Variants in NXPH2 observed in about 807,000 individuals in gnomAD.
NXPH2 encodes the protein neurexophilin-2.
Under a neutral mutation model 19.8 loss-of-function variants are expected in NXPH2, and 5 were observed. The observed-to-expected ratio is 0.25, with a 90% CI of 0.13 to 0.53. The LOEUF is 0.53. Ranked by LOEUF, NXPH2 falls within the 20% of genes least tolerant of loss-of-function variation. The pLI is 0.96. For synonymous variants in NXPH2, 154 were observed against 127.4 expected, an observed-to-expected ratio of 1.21 and a Z score of -1.41; for missense variants, 289 against 322.8, an observed-to-expected ratio of 0.90 and a Z score of 0.80.
chr2:138,683,426 C>A (rs1680605899), intron 1 of NXPH2, among the ~76,000 whole-genome samples: 1 of 152,042 alleles, frequency 6.6e-6, no homozygotes, highest in South Asian at 2.1e-4. Context: ...AATAGTAATG[C>A]CAGATTATTC....
chr2:138,682,584 A>G (rs1461100694), intron 1 of NXPH2, among the ~76,000 whole-genome samples: 1 of 152,220 alleles, frequency 6.6e-6, no homozygotes, highest in African/African-American at 2.4e-5. Flanking sequence ...AGGAGAAGAA[A>G]GCTAAACAGT....
In NXPH2 at chr2:138,710,861, A is replaced by G. The variant is rs1424974143; in HGVS notation, c.52-39196T>C. On this transcript the variant is annotated intron_variant, in intron 1 of 1. Coordinates refer to ENST00000272641, the MANE Select transcript of NXPH2 (RefSeq NM_007226.3). ...ATAACTCATCTAAACCACCCATGCC[A>G]AACACTTTACCCAAGCTGGCTTCCC... Among the ~76,000 whole-genome samples the G allele has an allele frequency of 2.0e-5, 3 of 151,998 alleles. No homozygotes were observed. The East Asian group carries it at 5.8e-4, about 29-fold the overall frequency.
intron 1 of NXPH2, among the ~76,000 whole-genome samples, chr2:138,712,794 A>T (rs1681124137): frequency 6.6e-6 from 1 of 152,178 alleles, no homozygotes; most frequent in African/African-American, 2.4e-5. Flanking sequence ...TCATGTGTGA[A>T]TGGAAAACTC....
chr2:138,745,636 G>A (rs1180647894), intron 1 of NXPH2, among the ~76,000 whole-genome samples: 1 of 151,988 alleles, frequency 6.6e-6, no homozygotes, highest in Non-Finnish European at 1.5e-5. Flanking sequence ...AACAAATTGT[G>A]GCATAGTTAT....
chr2:138,675,482 C>A (rs1680472709), intron 1 of NXPH2, among the ~76,000 whole-genome samples: 1 of 152,006 alleles, frequency 6.6e-6, no homozygotes, highest in Non-Finnish European at 1.5e-5. Flanking sequence ...CTAGTACTTC[C>A]ATTGTGATGG....
chr2:138,671,821 A>G (rs17597375), intron 1 of NXPH2, among the ~76,000 whole-genome samples, 156 bp from the exon 2 acceptor site: 3,193 of 152,328 alleles, frequency 0.021, 52 homozygotes, highest in Non-Finnish European at 0.033. Flanking sequence ...GTGTAACAAG[A>G]TAAGCATTTA....
intron 1 of NXPH2, among the ~76,000 whole-genome samples, chr2:138,684,636 G>C (rs572370072): frequency 6.6e-6 from 1 of 152,222 alleles, no homozygotes; most frequent in East Asian, 1.9e-4. Context: ...ATTTTATCTA[G>C]ACCTCCCTAA....
intron 1 of NXPH2, among the ~76,000 whole-genome samples, chr2:138,770,057 T>C (rs1199754790): frequency 1.3e-5 from 2 of 152,098 alleles, no homozygotes; most frequent in Non-Finnish European, 2.9e-5. Flanking sequence ...TAAGGGTTGG[T>C]TGAGGAAAAA....
At chr2:138,734,336 T>C (rs1681501915) in intron 1 of NXPH2, among the ~76,000 whole-genome samples, 1 of 152,196 alleles carries the variant, frequency 6.6e-6, no homozygotes, top group South Asian at 2.1e-4. Flanking sequence ...ATTGGAGATA[T>C]TCAATTCAAT....
At chr2:138,719,597 A>G (rs1173653868) in intron 1 of NXPH2, among the ~76,000 whole-genome samples, 1 of 152,188 alleles carries the variant, frequency 6.6e-6, no homozygotes, top group Non-Finnish European at 1.5e-5. Flanking sequence ...GCAGGGAGCT[A>G]TGGCTCATGC....
intron 1 of NXPH2, among the ~76,000 whole-genome samples, chr2:138,749,600 C>T (rs1256171592): frequency 6.6e-6 from 1 of 152,022 alleles, no homozygotes; most frequent in Non-Finnish European, 1.5e-5. Flanking sequence ...CTTTCATCTG[C>T]CTCTTTATCC....
intron 1 of NXPH2, among the ~76,000 whole-genome samples, chr2:138,675,972 TGTG>T: frequency 6.6e-6 from 1 of 152,124 alleles, no homozygotes; most frequent in East Asian, 1.9e-4. Flanking sequence ...TGTGTGTGTG[TGTG>T]TGTGTGTGTA....
At chr2:138,743,812 G>C (rs1681681340) in intron 1 of NXPH2, among the ~76,000 whole-genome samples, 1 of 151,952 alleles carries the variant, frequency 6.6e-6, no homozygotes, top group Admixed American at 6.6e-5. Context: ...AGACTAGCCT[G>C]GCCAAGATGA....
intron 1 of NXPH2, among the ~76,000 whole-genome samples, chr2:138,774,782 G>C (rs1029634658): frequency 1.3e-5 from 2 of 152,108 alleles, no homozygotes; most frequent in African/African-American, 4.8e-5. Context: ...AACAGATAAT[G>C]AACAAATATT....
At chr2:138,696,861 A>G (rs902658652) in intron 1 of NXPH2, among the ~76,000 whole-genome samples, 2 of 152,196 alleles carry the variant, frequency 1.3e-5, no homozygotes, top group African/African-American at 4.8e-5. Flanking sequence ...TGTCCAATTA[A>G]TGAACCATCA....
intron 1 of NXPH2, among the ~76,000 whole-genome samples, chr2:138,755,655 G>A (rs1681895700): frequency 6.6e-6 from 1 of 152,014 alleles, no homozygotes. Flanking sequence ...GGATATTCTA[G>A]GTATTGGACT....
At position 138,739,604 on chromosome 2, in the gene NXPH2, G is replaced by T. The variant is rs532024558; in HGVS notation, c.51+40587C>A. 3.2e-4 allele frequency among the ~76,000 whole-genome samples: 48 copies of T among 152,274 alleles called. 1 individual carries two copies. In the South Asian group the frequency reaches 9.8e-3, roughly 31 times the overall value. On this transcript the variant is annotated intron_variant, in intron 1 of 1. Transcript: ENST00000272641. ...CGGGAGGCAAGGCTGGTGGGACATG[G>T]TGGGGGCAGGTTACTGAGGGACTTA...
chr2:138,697,998 T>G (rs1341075169), intron 1 of NXPH2, among the ~76,000 whole-genome samples: 3 of 152,114 alleles, frequency 2.0e-5, no homozygotes. Flanking sequence ...GAAAGCAATT[T>G]ATAATATGCA....
At chr2:138,702,796 G>A (rs1244686341) in intron 1 of NXPH2, among the ~76,000 whole-genome samples, 1 of 151,968 alleles carries the variant, frequency 6.6e-6, no homozygotes, top group Non-Finnish European at 1.5e-5. Context: ...AACAAAAAGT[G>A]AAAGATTTTT....
Sources: allele counts gnomAD v4.1 joint callset (sites outside exome capture counted in the v4.1 genomes callset), GRCh38; gene constraint gnomAD v4.1.1; transcripts MANE v1.5; gene names NCBI Gene and HGNC (gene_info 2026-07-23, HGNC 2026-07-21).